The following ARHGEF38 variants were observed in gnomAD, a reference collection of about 807,000 sequenced individuals.
ARHGEF38 encodes the protein Rho guanine nucleotide exchange factor 38.
ARHGEF38 carries 79 observed loss-of-function variants against 79.9 expected under a neutral mutation model. That is an observed-to-expected ratio of 0.99 (90% CI 0.82 to 1.19). The LOEUF (loss-of-function observed/expected upper bound fraction) is 1.19. Ranked by LOEUF, ARHGEF38 falls within the 50% of genes most tolerant of loss-of-function variation. The pLI, the probability that ARHGEF38 is intolerant of heterozygous loss-of-function variation, is 0.00. For synonymous variants in ARHGEF38, 366 were observed against 328.3 expected (o/e 1.11, Z -1.24); for missense variants, 962 against 907.2 (o/e 1.06, Z -0.78).
At chr4:105,657,543 A>C (rs555921103) in intron 9 of ARHGEF38, among the ~76,000 whole-genome samples, 1 of 152,316 alleles carries the variant, frequency 6.6e-6, no homozygotes, top group Admixed American at 6.5e-5. Flanking sequence ...ATTTGTTCTA[A>C]CAACAATTCC....
chr4:105,628,333 G>A (rs537674611), intron 3 of ARHGEF38, among the ~76,000 whole-genome samples: 9 of 152,272 alleles, frequency 5.9e-5, no homozygotes, highest in African/African-American at 2.2e-4. Flanking sequence ...TTGACTTGCT[G>A]CTGAGCGTCC....
chr4:105,613,136 A>C (rs1415961787), intron 2 of ARHGEF38, among the ~76,000 whole-genome samples: 2 of 152,198 alleles, frequency 1.3e-5, no homozygotes, highest in South Asian at 4.1e-4. Flanking sequence ...TGGTTCTTAT[A>C]GGAATATATA....
At chr4:105,648,413 G>A in intron 6 of ARHGEF38, 136 bp from the exon 7 acceptor site, 1 of 689,994 alleles carries the variant, frequency 1.4e-6, no homozygotes. Context: ...TGGAGCATAT[G>A]GCCTCTGCAG....
chr4:105,624,159 A>G (rs1030596525), intron 3 of ARHGEF38, among the ~76,000 whole-genome samples: 15 of 152,134 alleles, frequency 9.9e-5, no homozygotes, highest in Admixed American at 8.5e-4. Context: ...ATCACCAGGG[A>G]CCTCAGAATT....
At chr4:105,669,422 T>C (rs1398805708) in intron 13 of ARHGEF38, among the ~76,000 whole-genome samples, 2 of 152,196 alleles carry the variant, frequency 1.3e-5, no homozygotes, top group Non-Finnish European at 2.9e-5. Context: ...TATGAGTATA[T>C]AAGTGTAAAA....
At position 105,602,822 on chromosome 4, in the gene ARHGEF38, CA is replaced by C. The variant is rs995131808; in HGVS notation, c.385-10554del. ...TGGATTTTTGACAAAGGTAGTTGTT[CA>C]AAAAAAAGAGACAAGTGAGAAATTT... On this transcript the variant is annotated intron_variant, in intron 2 of 13. Coordinates refer to ENST00000420470, the MANE Select transcript of ARHGEF38 (RefSeq NM_001242729.2). 4.1e-4 allele frequency among the ~76,000 whole-genome samples: 62 copies of C among 151,460 alleles called. 1 individual carries two copies. The highest frequency in any genetic ancestry group is 4.4e-5 in the Non-Finnish European group (3 of 67,830).
intron 7 of ARHGEF38, among the ~76,000 whole-genome samples, chr4:105,652,790 G>A (rs1165608832): frequency 1.3e-5 from 2 of 152,092 alleles, no homozygotes; most frequent in Non-Finnish European, 2.9e-5. Context: ...CAACCCTAAG[G>A]CACAGAATGT....
At chr4:105,640,277 A>G (rs1348188584) in intron 5 of ARHGEF38, among the ~76,000 whole-genome samples, 2 of 152,146 alleles carry the variant, frequency 1.3e-5, no homozygotes, top group African/African-American at 4.8e-5. Context: ...CTAAACCTTA[A>G]AGTGATTACT....
At chr4:105,583,240 T>G (rs1726879969) in intron 1 of ARHGEF38, among the ~76,000 whole-genome samples, 1 of 152,220 alleles carries the variant, frequency 6.6e-6, no homozygotes. Flanking sequence ...TTAACATATA[T>G]CCTTAATTTA....
At chr4:105,581,978 ACC>A (rs1386500787) in intron 1 of ARHGEF38, among the ~76,000 whole-genome samples, 4 of 151,886 alleles carry the variant, frequency 2.6e-5, no homozygotes, top group Non-Finnish European at 5.9e-5. Flanking sequence ...AGCCTGGCCA[ACC>A]CAGTGAAACC....
rs1731260015 is a variant in ARHGEF38, at chr4:105,680,165, G to A, written c.*2228G>A. 1.0e-5 allele frequency: 6 copies of A among 595,006 alleles called. No homozygotes were observed. The highest frequency in any genetic ancestry group is 1.9e-5 in the Non-Finnish European group (6 of 318,620). 36.9% of individuals were successfully genotyped at this position (595,006 alleles called of 1,614,324 possible). ...ATGGAGGGACTGGAATTTAAAACCA[G>A]GTCTTCTGACTTTAAGGCCTTTCTT... On this transcript the variant is annotated 3_prime_UTR_variant, in exon 14 of 14. Transcript: ENST00000420470.
At chr4:105,661,118 A>G (rs1251601643) in intron 10 of ARHGEF38, among the ~76,000 whole-genome samples, 1 of 152,236 alleles carries the variant, frequency 6.6e-6, no homozygotes, top group Admixed American at 6.5e-5. Context: ...TCTATTTAGC[A>G]TAACATTTCA....
intron 2 of ARHGEF38, among the ~76,000 whole-genome samples, chr4:105,606,273 A>G (rs932423372): frequency 9.2e-5 from 14 of 152,146 alleles, no homozygotes; most frequent in Non-Finnish European, 2.1e-4. Flanking sequence ...AACAATTTCC[A>G]GAGGATGATT....
At chr4:105,682,240 A>G (rs1489625783), downstream of ARHGEF38, among the ~76,000 whole-genome samples, 1 of 152,232 alleles carries the variant, frequency 6.6e-6, no homozygotes, top group Admixed American at 6.5e-5. Flanking sequence ...TGAGAAATCA[A>G]TAATGAAAAA....
chr4:105,641,327 A>G (rs1729606841), intron 5 of ARHGEF38, among the ~76,000 whole-genome samples: 1 of 152,100 alleles, frequency 6.6e-6, no homozygotes, highest in African/African-American at 2.4e-5. Context: ...ACATTTGCAA[A>G]ATGATTAAAC....
intron 1 of ARHGEF38, among the ~76,000 whole-genome samples, chr4:105,566,542 A>AT (rs1202516729): frequency 2.0e-5 from 3 of 152,214 alleles, no homozygotes; most frequent in Non-Finnish European, 4.4e-5. Context: ...CACCTCAAGC[A>AT]TTTATCCTTT....
At chr4:105,656,309 TAAAC>T (rs1730323061) in intron 9 of ARHGEF38, among the ~76,000 whole-genome samples, 1 of 152,120 alleles carries the variant, frequency 6.6e-6, no homozygotes, top group Non-Finnish European at 1.5e-5. Flanking sequence ...ATGCTTTTCT[TAAAC>T]AAGTCTCTGG....
intron 1 of ARHGEF38, among the ~76,000 whole-genome samples, chr4:105,583,550 G>GC (rs1726896442): frequency 6.6e-6 from 1 of 152,116 alleles, no homozygotes; most frequent in Non-Finnish European, 1.5e-5. Context: ...GGCCTTTCCT[G>GC]CCATCTTATT....
chr4:105,668,508 T>C (rs1000409217), intron 13 of ARHGEF38, among the ~76,000 whole-genome samples: 1 of 152,204 alleles, frequency 6.6e-6, no homozygotes, highest in Non-Finnish European at 1.5e-5. Flanking sequence ...GCAGGACTTG[T>C]TTTTGCTATA....
Sources: gnomAD v4.1 joint callset for allele counts (sites outside exome capture counted in the v4.1 genomes callset) on GRCh38, gnomAD v4.1.1 for gene constraint, MANE v1.5 for transcripts, NCBI Gene and HGNC (gene_info 2026-07-23, HGNC 2026-07-21) for gene names.